The following NPPC variants were observed in gnomAD, a reference collection of about 807,000 sequenced individuals.
NPPC encodes natriuretic peptide C.
In NPPC, 4 loss-of-function variants were observed where a neutral mutation model predicts 10.2. That is an observed-to-expected ratio of 0.39 (90% CI 0.19 to 0.90). The LOEUF is 0.90. NPPC is among the 40% of genes least tolerant of loss of function. The pLI is 0.37. For missense variants in NPPC, 182 were observed against 173.8 expected, an observed-to-expected ratio of 1.05 and a Z score of -0.26; for synonymous variants, 83 against 87.3, an observed-to-expected ratio of 0.95 and a Z score of 0.27.
rs947216240 is a variant in NPPC at position 231,922,158 on chromosome 2, A to C, written c.*178T>G. Reference sequence around the variant, plus strand: ...TAATAAAATCACAACCCCCTCCCCAAATAATAATAAAACAGCTGGTGTTGT... The same window carrying C: ...TAATAAAATCACAACCCCCTCCCCACATAATAATAAAACAGCTGGTGTTGT... On this transcript the variant is annotated 3_prime_UTR_variant, in exon 3 of 3. Transcript: ENST00000409852. 1 of 151,866 alleles carries C rather than the reference A, an allele frequency of 6.6e-6. No homozygotes were observed. Among genetic ancestry groups the C allele is most frequent in the Admixed American group, 6.6e-5 (1 of 15,252 alleles). The allele number at this position is 151,866 out of a possible 1,614,324, so 9.4% of individuals were successfully genotyped here. A position where few individuals can be genotyped will look rare whatever the true frequency, so the allele number is the denominator to read the frequency against.
At chr2:231,923,070 T>A (rs1185575369) in intron 2 of NPPC, among the ~76,000 whole-genome samples, 1 of 152,024 alleles carries the variant, frequency 6.6e-6, no homozygotes, top group Admixed American at 6.6e-5. Context: ...TGCTAATGGG[T>A]GTGTGGGTGC....
chr2:231,922,105 T>A lies in NPPC; in HGVS notation c.*231A>T, dbSNP rs1292038275. On this transcript the variant is annotated 3_prime_UTR_variant, in exon 3 of 3. Coordinates refer to ENST00000409852, the MANE Select transcript of NPPC (RefSeq NM_024409.4). Reference sequence around the variant, plus strand: ...ATATAATATATATATAATATATAACTTTTTATTTTTCATTTTAAAAAAACA... The same window carrying A: ...ATATAATATATATATAATATATAACATTTTATTTTTCATTTTAAAAAAACA... 1 of 150,944 alleles carries A rather than the reference T, an allele frequency of 6.6e-6. No individual in the cohort carries two copies. Among genetic ancestry groups the A allele is most frequent in the African/African-American group, 2.4e-5 (1 of 41,310 alleles). 9.4% of individuals were successfully genotyped at this position (150,944 alleles called of 1,614,324 possible).
At chr2:231,923,032 G>C (rs1375681688) in intron 2 of NPPC, among the ~76,000 whole-genome samples, 1 of 152,206 alleles carries the variant, frequency 6.6e-6, no homozygotes, top group Non-Finnish European at 1.5e-5. Flanking sequence ...ACAGTCATGG[G>C]CTCTGAGTGT....
rs118048895 is a variant in NPPC at position 231,923,516 on chromosome 2, G to A, written c.*21-1201C>T. On this transcript the variant is annotated intron_variant, in intron 2 of 2. Transcript: ENST00000409852. ...TGTTCTGCTCTCTCACTGGGAATGG[G>A]GGGCAGTGAGGGTGGGGTTTTTATT... 2.0e-5 allele frequency among the ~76,000 whole-genome samples: 3 copies of A among 152,288 alleles called. No individual in the cohort carries two copies. In the East Asian group the frequency reaches 5.8e-4, roughly 29 times the overall value.
chr2:231,925,610 C>T lies in NPPC; in HGVS notation c.196G>A (p.Gly66Ser), dbSNP rs774543387. ...APGGGGANLK[G>S]DRSRLLRDLR... ...TCCCGGAGCAGTCGCGACCGGTCGC[C>T]CTTGAGATTGGCGCCCCCGCCCCCG... The change falls in exon 2 of 3, where the codon GGC (glycine) becomes AGC (serine). Residue 66 changes from glycine to serine, a missense_variant. Transcript: ENST00000409852. The T allele has an allele frequency of 6.2e-7, 1 of 1,610,404 alleles. No homozygotes were observed. The highest frequency in any genetic ancestry group is 8.5e-7 in the Non-Finnish European group (1 of 1,179,040).
chr2:231,923,622 C>T (rs770419838), intron 2 of NPPC, among the ~76,000 whole-genome samples: 19 of 152,268 alleles, frequency 1.2e-4, no homozygotes, highest in Non-Finnish European at 7.4e-5. Context: ...GGGCGTAAGC[C>T]GGTGTTGAAG....
Position 231,926,094 on chromosome 2 carries a change from C to T in NPPC, c.90+66G>A, listed in dbSNP as rs929403321. The T allele has an allele frequency of 5.2e-6, 6 of 1,149,490 alleles. No individual in the cohort carries two copies. The African/African-American group carries it at 8.1e-5, about 15-fold the overall frequency. 71.2% of individuals were successfully genotyped at this position (1,149,490 alleles called of 1,614,324 possible). ...TCCCTCTCTCCTGGGTCCTGCGCGC[C>T]GCATTCTCCAAGCCCCCAGCCTCCC... On this transcript the variant is annotated intron_variant, in intron 1 of 2. Transcript: ENST00000409852.
chr2:231,925,928 G>T (rs1371562063), intron 1 of NPPC, among the ~76,000 whole-genome samples: 1 of 152,170 alleles, frequency 6.6e-6, no homozygotes, highest in African/African-American at 2.4e-5. Flanking sequence ...TTTGCTGCTC[G>T]CCGGGCAGGC....
Position 231,925,387 on chromosome 2 carries a change from C to G in NPPC, c.*20+18G>C. On this transcript the variant is annotated intron_variant, in intron 2 of 2. Coordinates refer to ENST00000409852, the MANE Select transcript of NPPC (RefSeq NM_024409.4). ...CCCGGGCCGGGCTGGGGCTGGGCGT[C>G]GGGTGGGCCGTACTCACCGCCGCCA... is the stretch of plus-strand genomic sequence containing the variant. 1 of 1,533,552 alleles carries G rather than the reference C, an allele frequency of 6.5e-7. No individual in the cohort carries two copies. Among genetic ancestry groups the G allele is most frequent in the Non-Finnish European group, 8.8e-7 (1 of 1,141,444 alleles). The allele number at this position is 1,533,552 out of a possible 1,614,324, so 95.0% of individuals were successfully genotyped here. A position where few individuals can be genotyped will look rare whatever the true frequency, so the allele number is the denominator to read the frequency against.
chr2:231,923,341 T>C (rs1300098442), intron 2 of NPPC, among the ~76,000 whole-genome samples: 1 of 152,244 alleles, frequency 6.6e-6, no homozygotes, highest in Non-Finnish European at 1.5e-5. Flanking sequence ...ACCACCATCA[T>C]TACGGTGGCT....
intron 1 of NPPC, 100 bp downstream of exon 1, chr2:231,926,060 C>T: frequency 1.0e-6 from 1 of 969,208 alleles, no homozygotes; most frequent in Non-Finnish European, 1.4e-6. Flanking sequence ...AGGAGACAGC[C>T]GCCTGCCTTC....
intron 2 of NPPC, among the ~76,000 whole-genome samples, chr2:231,922,690 C>T (rs1239721525): frequency 1.3e-5 from 2 of 152,202 alleles, no homozygotes; most frequent in African/African-American, 2.4e-5. Context: ...GCCCGGGGTT[C>T]GTGTGTCTGA....
chr2:231,925,947 G>C (rs1461300694), intron 1 of NPPC, among the ~76,000 whole-genome samples: 2 of 152,214 alleles, frequency 1.3e-5, no homozygotes, highest in South Asian at 2.1e-4. Context: ...GCCACACTGG[G>C]GTAGGGGGCT....
chr2:231,925,317 A>G (rs1691987209), intron 2 of NPPC, 88 bp downstream of exon 2: 2 of 1,171,598 alleles, frequency 1.7e-6, no homozygotes, highest in Admixed American at 4.0e-5. Flanking sequence ...AACTTGAGCA[A>G]AGGCGGCTCG....
rs1399325641 is a variant in NPPC, at chr2:231,925,628, C to A, written c.178G>T (p.Gly60Trp). The change falls in exon 2 of 3, where the codon GGG becomes TGG. Residue 60 changes from glycine to tryptophan, a missense_variant. By Grantham distance (184) the Gly-to-Trp change is radical. Coordinates refer to ENST00000409852, the MANE Select transcript of NPPC (RefSeq NM_024409.4). ...QKKGDKAPGG[G>W]GANLKGDRSR... The stretch of plus-strand genomic sequence containing the variant: ...CGGTCGCCCTTGAGATTGGCGCCCC[C>A]GCCCCCGGGAGCCTTGTCGCCCTTC... 6.2e-7 allele frequency: 1 copy of A among 1,608,134 alleles called. No homozygotes were observed. Among genetic ancestry groups the A allele is most frequent in the Non-Finnish European group, 8.5e-7 (1 of 1,178,304 alleles).
intron 2 of NPPC, among the ~76,000 whole-genome samples, chr2:231,922,649 T>C (rs1691945713): frequency 1.3e-5 from 2 of 152,312 alleles, no homozygotes; most frequent in South Asian, 4.1e-4. Flanking sequence ...CATCCCTTTT[T>C]TGCTACAACG....
intron 2 of NPPC, 117 bp downstream of exon 2, chr2:231,925,288 G>C (rs1691986718): frequency 2.5e-6 from 2 of 806,626 alleles, no homozygotes; most frequent in East Asian, 3.4e-5. Flanking sequence ...AAAGGGGGCG[G>C]CTGGCAAACG....
At chr2:231,922,615 A>T (rs1423949008) in intron 2 of NPPC, among the ~76,000 whole-genome samples, 1 of 152,216 alleles carries the variant, frequency 6.6e-6, no homozygotes, top group Non-Finnish European at 1.5e-5. Context: ...AAGCGCAGTG[A>T]GAGAAAGAGA....
In NPPC at chr2:231,926,172, C is replaced by T. The variant is rs1692005229; in HGVS notation, c.78G>A (p.Gly26=). ...LSLRPSEAKP[G]APPKVPRTPP... ...CGACAGCACCCACCTTCGGCGGCGC[C>T]CCGGGCTTGGCTTCGGAGGGCCGGA... The change falls in exon 1 of 3, where the codon GGG becomes GGA. Residue 26 remains glycine (G), a synonymous_variant. Coordinates refer to ENST00000409852, the MANE Select transcript of NPPC (RefSeq NM_024409.4). The T allele has an allele frequency of 7.7e-7, 1 of 1,301,600 alleles. No individual in the cohort carries two copies. 80.6% of individuals were successfully genotyped at this position (1,301,600 alleles called of 1,614,324 possible).
Sources: allele counts gnomAD v4.1 joint callset (sites outside exome capture counted in the v4.1 genomes callset), GRCh38; gene constraint gnomAD v4.1.1; transcripts MANE v1.5; gene names NCBI Gene and HGNC (gene_info 2026-07-23, HGNC 2026-07-21).